The following ADGRG6 variants were observed in gnomAD, a reference collection of about 807,000 sequenced individuals.
ADGRG6 encodes G-protein coupled receptor 126.
ADGRG6 carries 84 observed loss-of-function variants against 142.4 expected under a neutral mutation model. That is an observed-to-expected ratio of 0.59 (90% CI 0.49 to 0.71). The LOEUF is 0.71. Among genes scored for constraint, ADGRG6 ranks in the 30% least tolerant of loss-of-function variants. The pLI is 0.00. For missense variants in ADGRG6, 1,367 were observed against 1,466.6 expected, an observed-to-expected ratio of 0.93 and a Z score of 1.11; for synonymous variants, 521 against 520.5, an observed-to-expected ratio of 1.00 and a Z score of -0.01.
chr6:142,360,684 A>G (rs1308320207), intron 2 of ADGRG6, among the ~76,000 whole-genome samples: 5 of 152,002 alleles, frequency 3.3e-5, no homozygotes, highest in African/African-American at 1.2e-4. Flanking sequence ...ATTGAGACAC[A>G]GTTTCGCTCT....
chr6:142,345,245 T>A (rs1338712813), intron 2 of ADGRG6, among the ~76,000 whole-genome samples: 1 of 152,062 alleles, frequency 6.6e-6, no homozygotes. Flanking sequence ...TTGTCTCTAA[T>A]CTTTCTTTAG....
chr6:142,331,903 CA>C (rs778428379), intron 2 of ADGRG6, among the ~76,000 whole-genome samples: 1 of 151,968 alleles, frequency 6.6e-6, no homozygotes, highest in Non-Finnish European at 1.5e-5. Context: ...TAGTGAGATG[CA>C]AATAAATGTT....
chr6:142,383,848 G>T lies in ADGRG6; in HGVS notation c.1222+5G>T, dbSNP rs752548462. The T allele has an allele frequency of 7.2e-7, 1 of 1,395,528 alleles. No homozygotes were observed. The highest frequency in any genetic ancestry group is 1.0e-6 in the Non-Finnish European group (1 of 983,702). The allele number at this position is 1,395,528 out of a possible 1,614,324, so 86.4% of individuals were successfully genotyped here. A position where few individuals can be genotyped will look rare whatever the true frequency, so the allele number is the denominator to read the frequency against. On this transcript the variant is annotated splice_donor_5th_base_variant and intron_variant, in intron 6 of 24. Transcript: ENST00000367609. ...GAATCGATAAACAAAGGAATGGTAA[G>T]AAATCATTACCTTTTATATTTTTAG...
At chr6:142,408,331 C>T in intron 16 of ADGRG6, 62 bp downstream of exon 16, 1 of 1,279,160 alleles carries the variant, frequency 7.8e-7, no homozygotes. Flanking sequence ...CTAGTGGGGC[C>T]TTTTTTTCTA....
Position 142,302,316 on chromosome 6 carries a change from G to A in ADGRG6, c.-14G>A, listed in dbSNP as rs369954638. 2.0e-5 allele frequency: 33 copies of A among 1,612,800 alleles called. No individual in the cohort carries two copies. The African/African-American group carries it at 4.1e-4, about 20-fold the overall frequency. The stretch of plus-strand genomic sequence containing the variant: ...TCTTGCGGCCAAAGGGGACCTCGGC[G>A]CAGTAATGTCAACATGTAAGTCTCA... On this transcript the variant is annotated 5_prime_UTR_variant, in exon 1 of 25. Transcript: ENST00000367609.
intron 20 of ADGRG6, among the ~76,000 whole-genome samples, chr6:142,416,542 T>A (rs2115078884): frequency 6.6e-6 from 1 of 152,310 alleles, no homozygotes; most frequent in Admixed American, 6.5e-5. Context: ...ATAACATGAG[T>A]CCTCAGTCAG....
At chr6:142,401,958 A>G (rs1214245643) in intron 11 of ADGRG6, 36 bp from the exon 12 acceptor site, 2 of 944,040 alleles carry the variant, frequency 2.1e-6, no homozygotes, top group South Asian at 1.5e-5. Context: ...AATACCAGTT[A>G]TATCAAATAT....
intron 6 of ADGRG6, among the ~76,000 whole-genome samples, chr6:142,388,306 T>A (rs532581818): frequency 6.6e-6 from 1 of 152,300 alleles, no homozygotes; most frequent in South Asian, 2.1e-4. Context: ...ATTTGGATGC[T>A]TTCTTAAAAA....
chr6:142,315,157 G>C (rs1211907459), intron 2 of ADGRG6, among the ~76,000 whole-genome samples: 2 of 152,106 alleles, frequency 1.3e-5, no homozygotes, highest in Non-Finnish European at 2.9e-5. Flanking sequence ...AACCTGGGGA[G>C]CTGTAGAGTT....
chr6:142,390,147 A>T (rs1774813399), intron 6 of ADGRG6, 111 bp from the exon 7 acceptor site: 2 of 429,202 alleles, frequency 4.7e-6, no homozygotes, highest in East Asian at 8.1e-5. Flanking sequence ...TGTGATTATG[A>T]ATAAAACTAT....
chr6:142,356,339 T>C (rs1181089400), intron 2 of ADGRG6, among the ~76,000 whole-genome samples: 2 of 152,170 alleles, frequency 1.3e-5, no homozygotes, highest in Non-Finnish European at 2.9e-5. Flanking sequence ...GCACAATAAG[T>C]ACTGTTAGCA....
intron 24 of ADGRG6, among the ~76,000 whole-genome samples, chr6:142,442,670 A>C (rs1357662205): frequency 6.6e-6 from 1 of 152,104 alleles, no homozygotes; most frequent in Non-Finnish European, 1.5e-5. Flanking sequence ...TACAATTAAA[A>C]AAATAATTCA....
At chr6:142,391,189 A>G (rs1469767356) in intron 7 of ADGRG6, among the ~76,000 whole-genome samples, 2 of 151,694 alleles carry the variant, frequency 1.3e-5, no homozygotes, top group African/African-American at 4.8e-5. Context: ...CTTCTTCACA[A>G]TAACAATCTC....
chr6:142,381,836 A>G, intron 4 of ADGRG6, 115 bp from the exon 5 acceptor site: 1 of 555,968 alleles, frequency 1.8e-6, no homozygotes, highest in African/African-American at 1.9e-5. Context: ...TTGATATCAA[A>G]GAATTACTGG....
chr6:142,386,489 G>A (rs559613999), intron 6 of ADGRG6, among the ~76,000 whole-genome samples: 1 of 152,246 alleles, frequency 6.6e-6, no homozygotes, highest in Admixed American at 6.5e-5. Flanking sequence ...TTTTGGGTGA[G>A]CCAGTGAGTG....
At chr6:142,338,726 A>T (rs1263154914) in intron 2 of ADGRG6, among the ~76,000 whole-genome samples, 1 of 152,122 alleles carries the variant, frequency 6.6e-6, no homozygotes, top group Non-Finnish European at 1.5e-5. Flanking sequence ...ATAATTTTAT[A>T]ATCCTGTAAT....
At chr6:142,327,757 G>A (rs546015716) in intron 2 of ADGRG6, among the ~76,000 whole-genome samples, 1 of 152,154 alleles carries the variant, frequency 6.6e-6, no homozygotes, top group African/African-American at 2.4e-5. Flanking sequence ...AATCTTTTGA[G>A]TTGAAATATG....
At chr6:142,417,106 G>C (rs751646179) in intron 20 of ADGRG6, 167 bp from the exon 21 acceptor site, 1 of 673,444 alleles carries the variant, frequency 1.5e-6, no homozygotes, top group East Asian at 2.8e-5. Context: ...AGGGGATTTT[G>C]TTGTTAACCA....
At chr6:142,317,997 A>ATAT (rs1778226348) in intron 2 of ADGRG6, among the ~76,000 whole-genome samples, 1 of 52,730 alleles carries the variant, frequency 1.9e-5, no homozygotes, top group African/African-American at 8.5e-5. Context: ...ATATTTATAT[A>ATAT]TTATATATAA....
Sources: gnomAD v4.1 joint callset for allele counts (sites outside exome capture counted in the v4.1 genomes callset) on GRCh38, gnomAD v4.1.1 for gene constraint, MANE v1.5 for transcripts, NCBI Gene and HGNC (gene_info 2026-07-23, HGNC 2026-07-21) for gene names.